Variants in RTTN observed in about 807,000 individuals in gnomAD.
The protein encoded by RTTN is rotatin.
Under a neutral mutation model 269.2 loss-of-function variants are expected in RTTN, and 182 were observed. That is an observed-to-expected ratio of 0.68 (90% CI 0.60 to 0.76). RTTN has a LOEUF of 0.76. RTTN is among the 30% of genes least tolerant of loss of function. The probability of loss-of-function intolerance (pLI) is 0.00; values close to 1 mark genes in which losing one functional copy is unlikely to be tolerated. For synonymous variants in RTTN, 1,006 were observed against 963.5 expected, an observed-to-expected ratio of 1.04 and a Z score of -0.82; for missense variants, 2,545 against 2,608.6, an observed-to-expected ratio of 0.98 and a Z score of 0.53.
chr18:70,176,896 G>T, intron 10 of RTTN, 51 bp from the exon 11 acceptor site: 1 of 1,440,494 alleles, frequency 6.9e-7, no homozygotes, highest in Non-Finnish European at 9.6e-7. Context: ...AATTTTAGGG[G>T]CCAGTATACA....
intron 23 of RTTN, among the ~76,000 whole-genome samples, chr18:70,132,614 G>A (rs1393602265): frequency 6.6e-6 from 1 of 151,654 alleles, no homozygotes; most frequent in East Asian, 1.9e-4. Context: ...ATAAAATATG[G>A]CATATCAAAT....
At chr18:70,164,849 T>A (rs374177257) in intron 14 of RTTN, among the ~76,000 whole-genome samples, 1 of 152,144 alleles carries the variant, frequency 6.6e-6, no homozygotes, top group East Asian at 1.9e-4. Context: ...GAAAATCATG[T>A]ATGCATGGAG....
chr18:70,142,339 C>T lies in RTTN; in HGVS notation c.2530G>A (p.Asp844Asn). 1 of 1,602,620 alleles carries T rather than the reference C, an allele frequency of 6.2e-7. No homozygotes were observed. Among genetic ancestry groups the T allele is most frequent in the South Asian group, 1.1e-5 (1 of 90,878 alleles). Residue 844 changes from aspartate (D) to asparagine (N), a missense_variant, in exon 19 of 49, where the codon GAT becomes AAT. Asp to Asn is a conservative substitution (Grantham distance 23, BLOSUM62 1). Coordinates refer to ENST00000640769, the MANE Select transcript of RTTN (RefSeq NM_173630.4). Reference protein sequence around the residue: ...VYEIFTSDDVDLVLRKSAAEQ... With the variant: ...VYEIFTSDDVNLVLRKSAAEQ... ...GCAGCTGACTTTCTCAAAACGAGAT[C>T]AACATCATCTGAGGTGAAGATTTCA...
chr18:70,184,703 GTTTTTTTTTTT>G (rs374636456), intron 10 of RTTN, among the ~76,000 whole-genome samples: 14 of 26,350 alleles, frequency 5.3e-4, no homozygotes, highest in Admixed American at 6.3e-4. Context: ...ACCACAGCAG[GTTTTTTTTTTT>G]TTTGTGTGTG....
Position 70,052,327 on chromosome 18 carries a change from C to T in RTTN, c.5186-779G>A, listed in dbSNP as rs538852611. 1.1e-4 allele frequency among the ~76,000 whole-genome samples: 17 copies of T among 152,268 alleles called. No individual in the cohort carries two copies. The East Asian group carries it at 3.1e-3, about 28-fold the overall frequency. ...AAACTGCACCTTCCCCAGGGCAATC[C>T]TTGGTGTTTCTCAACCCTTTTGTCA... On this transcript the variant is annotated intron_variant, in intron 38 of 48. Coordinates refer to ENST00000640769, the MANE Select transcript of RTTN (RefSeq NM_173630.4).
chr18:70,078,756 A>G (rs753063741), intron 32 of RTTN, among the ~76,000 whole-genome samples: 7 of 152,094 alleles, frequency 4.6e-5, no homozygotes, highest in Non-Finnish European at 8.8e-5. Flanking sequence ...TAAAATTGAG[A>G]CTGCAGATGA....
Position 70,054,151 on chromosome 18 carries a change from A to G in RTTN, c.5165T>C (p.Ile1722Thr). Residue 1722 changes from isoleucine to threonine, a missense_variant, in exon 38 of 49, where the codon ATA becomes ACA. Coordinates refer to ENST00000640769, the MANE Select transcript of RTTN (RefSeq NM_173630.4). ...LITNIIGILT[I>T]CTKDVLDKEL... ...CTTACCTAATACATCTTTGGTACATATGGTGAGAATTCCAATGATATTGGT... is the reference window on the plus strand; with the variant it reads ...CTTACCTAATACATCTTTGGTACATGTGGTGAGAATTCCAATGATATTGGT... 11 of 1,613,190 alleles carry G rather than the reference A, an allele frequency of 6.8e-6. No homozygotes were observed. The highest frequency in any genetic ancestry group is 9.3e-6 in the Non-Finnish European group (11 of 1,179,198).
intron 23 of RTTN, chr18:70,129,827 A>G (rs2059954387): frequency 6.6e-6 from 1 of 152,084 alleles, no homozygotes; most frequent in Non-Finnish European, 1.5e-5. Flanking sequence ...CAGTCAACAA[A>G]GTGAAGAGAC....
chr18:70,182,477 C>T (rs770593084), intron 10 of RTTN, among the ~76,000 whole-genome samples: 1 of 151,592 alleles, frequency 6.6e-6, no homozygotes, highest in African/African-American at 2.4e-5. Flanking sequence ...ACTGCCCTGA[C>T]AAGGCAGCAA....
At position 70,075,436 on chromosome 18, in the gene RTTN, C is replaced by T; in HGVS notation, c.4480G>A (p.Val1494Ile). 1 of 1,607,870 alleles carries T rather than the reference C, an allele frequency of 6.2e-7. No homozygotes were observed. The highest frequency in any genetic ancestry group is 8.5e-7 in the Non-Finnish European group (1 of 1,177,408). Reference protein sequence around the residue: ...CHFYEHLNQMVKHCYLGRCMF... With the variant: ...CHFYEHLNQMIKHCYLGRCMF... Reference sequence around the variant, plus strand: ...CACCGTCCTAGGTAACAATGCTTTACCATCTGATTCAAATGTTCATAAAAA... The same window carrying T: ...CACCGTCCTAGGTAACAATGCTTTATCATCTGATTCAAATGTTCATAAAAA... The change falls in exon 33 of 49, where the codon GTA becomes ATA. Residue 1494 changes from valine to isoleucine, a missense_variant. Transcript: ENST00000640769.
rs1156887220 is a variant in RTTN at position 70,205,682 on chromosome 18, C to T, written c.-24G>A. On this transcript the variant is annotated 5_prime_UTR_variant, in exon 1 of 49. Transcript: ENST00000640769. ...ATCTCGTCCCGTCAATCTGCAGCCG[C>T]CGGAGAATTAAACTGCCGCGCCACT... 2 of 1,614,054 alleles carry T rather than the reference C, an allele frequency of 1.2e-6. No individual in the cohort carries two copies. Among genetic ancestry groups the T allele is most frequent in the South Asian group, 1.1e-5 (1 of 91,086 alleles).
rs2056102014 is a variant in RTTN at position 70,003,962 on chromosome 18, C to T, written c.*189G>A. ...CACAGAAAGTTGTCAGCTGCTATTA[C>T]TTCTGGAGAGCTGCCACAACTGGAC... On this transcript the variant is annotated 3_prime_UTR_variant, in exon 49 of 49. Transcript: ENST00000640769. 2.3e-6 allele frequency: 1 copy of T among 432,320 alleles called. No homozygotes were observed. Among genetic ancestry groups the T allele is most frequent in the Non-Finnish European group, 4.1e-6 (1 of 244,406 alleles). 26.8% of individuals were successfully genotyped at this position (432,320 alleles called of 1,614,324 possible).
At chr18:70,157,293 T>G (rs2060707964) in intron 14 of RTTN, among the ~76,000 whole-genome samples, 1 of 152,016 alleles carries the variant, frequency 6.6e-6, no homozygotes, top group African/African-American at 2.4e-5. Context: ...GGACCAGAAA[T>G]CAAAGCCACT....
chr18:70,026,229 C>T (rs1456509309), intron 43 of RTTN, among the ~76,000 whole-genome samples: 3 of 152,166 alleles, frequency 2.0e-5, no homozygotes, highest in East Asian at 1.9e-4. Flanking sequence ...TTAATTTCCC[C>T]GCTGCTGCTC....
intron 44 of RTTN, 145 bp from the exon 45 acceptor site, chr18:70,020,962 G>C (rs1351389061): frequency 1.6e-6 from 1 of 626,770 alleles, no homozygotes; most frequent in Non-Finnish European, 2.8e-6. Flanking sequence ...GCTAATGTTG[G>C]TGTCTACAGT....
rs139781899 is a variant in RTTN at position 70,174,530 on chromosome 18, T to C, written c.1476+2145A>G. On this transcript the variant is annotated intron_variant, in intron 11 of 48. Coordinates refer to ENST00000640769, the MANE Select transcript of RTTN (RefSeq NM_173630.4). ...CAAAATATGAGTAAACATGCGTAAG[T>C]AGCAATTCAGCATAGTGTTATTTAT... Among the ~76,000 whole-genome samples, 349 of 152,152 alleles carry C rather than the reference T, an allele frequency of 2.3e-3. 1 individual carries two copies. The highest frequency in any genetic ancestry group is 4.1e-3 in the Non-Finnish European group (277 of 68,002).
rs530865780 is a variant in RTTN at position 70,154,621 on chromosome 18, T to C, written c.1930-3888A>G. Among the ~76,000 whole-genome samples the C allele has an allele frequency of 6.6e-5, 10 of 152,296 alleles. No homozygotes were observed. In the East Asian group the frequency reaches 1.9e-3, roughly 29 times the overall value. On this transcript the variant is annotated intron_variant, in intron 14 of 48. Coordinates refer to ENST00000640769, the MANE Select transcript of RTTN (RefSeq NM_173630.4). ...TAATCTTCTTACTCAACTTGAAATA[T>C]GGTCCTTCTTTGACCTCCAGTCCAT...
chr18:70,045,010 C>T (rs2057454003), intron 40 of RTTN, among the ~76,000 whole-genome samples: 1 of 152,184 alleles, frequency 6.6e-6, no homozygotes, highest in Non-Finnish European at 1.5e-5. Context: ...GGTAAAATCT[C>T]TGCTAAGTCA....
chr18:70,179,878 T>G (rs2061382732), intron 10 of RTTN, among the ~76,000 whole-genome samples: 1 of 152,110 alleles, frequency 6.6e-6, no homozygotes, highest in Non-Finnish European at 1.5e-5. Context: ...AAGGCACTTC[T>G]CTGATTAAAA....
Sources: gnomAD v4.1 joint callset for allele counts (sites outside exome capture counted in the v4.1 genomes callset) on GRCh38, gnomAD v4.1.1 for gene constraint, MANE v1.5 for transcripts, NCBI Gene and HGNC (gene_info 2026-07-23, HGNC 2026-07-21) for gene names.